Variants in SNCAIP observed in about 807,000 individuals in gnomAD.
The protein encoded by SNCAIP is synphilin-1.
SNCAIP carries 43 observed loss-of-function variants against 86.7 expected under a neutral mutation model. That is an observed-to-expected ratio of 0.50 (90% CI 0.39 to 0.64). The LOEUF (loss-of-function observed/expected upper bound fraction) is 0.64, where lower values mean the gene tolerates loss of function less well. SNCAIP is among the 30% of genes least tolerant of loss of function. The pLI is 0.00. For missense variants in SNCAIP, 981 were observed against 1,103.1 expected, an observed-to-expected ratio of 0.89 and a Z score of 1.57; for synonymous variants, 417 against 427.2, an observed-to-expected ratio of 0.98 and a Z score of 0.29.
At chr5:122,403,559 AAAG>A (rs1452790232) in intron 2 of SNCAIP, among the ~76,000 whole-genome samples, 1 of 151,934 alleles carries the variant, frequency 6.6e-6, no homozygotes, top group Non-Finnish European at 1.5e-5. Context: ...TTTTTTTGTT[AAAG>A]AAGGAGTGCC....
chr5:122,413,907 AT>A (rs1008969087), intron 3 of SNCAIP, among the ~76,000 whole-genome samples: 19 of 152,046 alleles, frequency 1.2e-4, no homozygotes, highest in East Asian at 5.8e-4. Flanking sequence ...AGGTTGGGGG[AT>A]TTTTTTGTTT....
intron 10 of SNCAIP, among the ~76,000 whole-genome samples, chr5:122,455,866 G>T (rs2153019950): frequency 6.6e-6 from 1 of 152,066 alleles, no homozygotes; most frequent in East Asian, 1.9e-4. Flanking sequence ...AGCATCCCCA[G>T]TGTGATTCAA....
At chr5:122,421,935 T>C (rs1465728282) in intron 3 of SNCAIP, among the ~76,000 whole-genome samples, 2 of 151,082 alleles carry the variant, frequency 1.3e-5, no homozygotes, top group Non-Finnish European at 2.9e-5. Flanking sequence ...TTTCACTTTC[T>C]ACTCTATCGC....
In SNCAIP at chr5:122,440,749, A is replaced by G; in HGVS notation, c.1417A>G (p.Ile473Val). Reference protein sequence around the residue: ...VASQHGYLGCIQTLVEYGANV... With the variant: ...VASQHGYLGCVQTLVEYGANV... ...CTCACAGCATGGCTACCTTGGATGC[A>G]TACAGGTACACAGGCCCTGCTGTTT... Residue 473 changes from isoleucine (I) to valine (V), a missense_variant, in exon 7 of 11, where the codon ATA (isoleucine) becomes GTA (valine). By Grantham distance (29) the Ile-to-Val change is conservative. Coordinates refer to ENST00000261368, the MANE Select transcript of SNCAIP (RefSeq NM_005460.4). 3.7e-6 allele frequency: 6 copies of G among 1,614,000 alleles called. No individual in the cohort carries two copies. The highest frequency in any genetic ancestry group is 5.1e-6 in the Non-Finnish European group (6 of 1,179,824).
At chr5:122,315,231 A>G (rs939070081) in intron 1 of SNCAIP, among the ~76,000 whole-genome samples, 8 of 152,180 alleles carry the variant, frequency 5.3e-5, no homozygotes, top group Non-Finnish European at 1.0e-4. Flanking sequence ...TGGTGGTATA[A>G]TTGTGAATGG....
At chr5:122,363,788 CTATT>C (rs143825884) in intron 1 of SNCAIP, among the ~76,000 whole-genome samples, 14,556 of 142,734 alleles carry the variant, frequency 0.1, 1,244 homozygotes, top group African/African-American at 0.23. Context: ...TTATTGTCAA[CTATT>C]TATTTATTTA....
intron 1 of SNCAIP, among the ~76,000 whole-genome samples, chr5:122,326,605 CCTTTTTTTTTTTT>C (rs1489247623): frequency 4.9e-4 from 50 of 102,430 alleles, no homozygotes; most frequent in Non-Finnish European, 8.8e-4. Flanking sequence ...AGAAATGTCT[CCTTTTTTTTTTTT>C]TTTTTTTTTT....
intron 5 of SNCAIP, among the ~76,000 whole-genome samples, chr5:122,429,484 A>G (rs1419932951): frequency 6.6e-6 from 1 of 151,422 alleles, no homozygotes; most frequent in Non-Finnish European, 1.5e-5. Context: ...GAAGACCTAC[A>G]TTACTAAAAT....
Position 122,425,536 on chromosome 5 carries a change from C to G in SNCAIP, c.1182+5C>G. 1 of 1,612,958 alleles carries G rather than the reference C, an allele frequency of 6.2e-7. No homozygotes were observed. Among genetic ancestry groups the G allele is most frequent in the Non-Finnish European group, 8.5e-7 (1 of 1,179,024 alleles). On this transcript the variant is annotated splice_donor_5th_base_variant and intron_variant, in intron 5 of 10. Transcript: ENST00000261368. The stretch of plus-strand genomic sequence containing the variant: ...CCAGCAGGCCTGGCCATTAAGGTGA[C>G]TGGTTGGGGGCTGGAACCTCCACAG...
intron 1 of SNCAIP, among the ~76,000 whole-genome samples, chr5:122,353,981 A>G (rs1182983979): frequency 6.6e-6 from 1 of 152,206 alleles, no homozygotes; most frequent in Non-Finnish European, 1.5e-5. Context: ...CCCAAATTAT[A>G]CAGCTACTTG....
At chr5:122,444,045 T>A (rs1429766995) in intron 7 of SNCAIP, 3 of 456,622 alleles carry the variant, frequency 6.6e-6, no homozygotes, top group African/African-American at 6.0e-5. Flanking sequence ...TGGGAGCTGC[T>A]TCACAGCCTC....
intron 6 of SNCAIP, among the ~76,000 whole-genome samples, chr5:122,434,582 T>C (rs1389533177): frequency 6.6e-6 from 1 of 152,208 alleles, no homozygotes; most frequent in Admixed American, 6.6e-5. Context: ...TTCAGGTTGT[T>C]ATTTCAAGAT....
intron 3 of SNCAIP, among the ~76,000 whole-genome samples, chr5:122,413,418 TCTC>T (rs1210026073): frequency 6.6e-6 from 1 of 152,206 alleles, no homozygotes; most frequent in Non-Finnish European, 1.5e-5. Context: ...ATTGGCTTCT[TCTC>T]ATCCTCCAGA....
intron 3 of SNCAIP, among the ~76,000 whole-genome samples, chr5:122,412,847 C>T (rs1011360066): frequency 1.3e-5 from 2 of 152,206 alleles, no homozygotes; most frequent in South Asian, 2.1e-4. Context: ...TCTCATCAGG[C>T]GCTGAAGCCA....
chr5:122,357,027 T>C (rs1761145094), intron 1 of SNCAIP, among the ~76,000 whole-genome samples: 1 of 152,100 alleles, frequency 6.6e-6, no homozygotes, highest in South Asian at 2.1e-4. Context: ...AAGCCCTGCA[T>C]ATTTGTATCT....
At chr5:122,407,171 G>C (rs1773180058) in intron 3 of SNCAIP, among the ~76,000 whole-genome samples, 1 of 152,184 alleles carries the variant, frequency 6.6e-6, no homozygotes, top group African/African-American at 2.4e-5. Flanking sequence ...CACAGATAGA[G>C]AGAAGAGGCA....
intron 1 of SNCAIP, among the ~76,000 whole-genome samples, chr5:122,325,479 C>A (rs1400526634): frequency 6.6e-6 from 1 of 152,202 alleles, no homozygotes; most frequent in Non-Finnish European, 1.5e-5. Context: ...CTGATAACTG[C>A]TCCCTTTTAG....
At chr5:122,411,685 CT>C (rs1774160366) in intron 3 of SNCAIP, among the ~76,000 whole-genome samples, 1 of 152,090 alleles carries the variant, frequency 6.6e-6, no homozygotes, top group Admixed American at 6.5e-5. Flanking sequence ...TCAAATGGCC[CT>C]TGCATCTCAC....
intron 7 of SNCAIP, chr5:122,441,205 G>A (rs1014291304): frequency 1.1e-5 from 2 of 183,172 alleles, no homozygotes; most frequent in African/African-American, 4.7e-5. Context: ...GTAGGGAGTT[G>A]TAGGCTAGAG....
Sources: allele counts gnomAD v4.1 joint callset (sites outside exome capture counted in the v4.1 genomes callset), GRCh38; gene constraint gnomAD v4.1.1; transcripts MANE v1.5; gene names NCBI Gene and HGNC (gene_info 2026-07-23, HGNC 2026-07-21).